LGSN: variants seen among roughly 807,000 people sequenced by gnomAD.
LGSN encodes the protein lengsin.
LGSN carries 21 observed loss-of-function variants against 19.5 expected under a neutral mutation model. The ratio of observed to expected loss-of-function variants is 1.07; its 90% confidence interval spans 0.76 to 1.55. The LOEUF (loss-of-function observed/expected upper bound fraction) is 1.55. Ranked by LOEUF, LGSN falls within the 40% of genes most tolerant of loss-of-function variation. The pLI is 0.00. For missense variants in LGSN, 673 were observed against 608.5 expected (o/e 1.11, Z -1.12); for synonymous variants, 257 against 215.6 (o/e 1.19, Z -1.68).
chr6:63,424,993 T>C, the LGSN span, among the ~76,000 whole-genome samples: 2 of 152,034 alleles, frequency 1.3e-5, no homozygotes, highest in Admixed American at 1.3e-4. Context: ...CATAAGACAT[T>C]CTACTGATGG....
chr6:63,300,698 G>GA lies in LGSN; in HGVS notation c.31-5654dup, dbSNP rs571658205. ...AAAATAAAAAATAAGAATAAATTCAGAAATAAATACTCATTAAATATCTGA... is the reference window on the plus strand; with the variant it reads ...AAAATAAAAAATAAGAATAAATTCAGAAAATAAATACTCATTAAATATCTGA... On this transcript the variant is annotated intron_variant, in intron 1 of 3. Transcript: ENST00000370657. Among the ~76,000 whole-genome samples, 336 of 151,990 alleles carry GA rather than the reference G, an allele frequency of 2.2e-3. 2 individuals are homozygous for GA. Among genetic ancestry groups the GA allele is most frequent in the African/African-American group, 7.7e-3 (318 of 41,466 alleles).
intron 2 of LGSN, among the ~76,000 whole-genome samples, chr6:63,287,906 A>G (rs1208088711): frequency 6.6e-6 from 1 of 152,098 alleles, no homozygotes; most frequent in East Asian, 1.9e-4. Context: ...CAATGAATAC[A>G]TATTATTTTA....
chr6:63,572,891 C>T, the LGSN span, among the ~76,000 whole-genome samples: 1 of 152,064 alleles, frequency 6.6e-6, no homozygotes, highest in Admixed American at 6.5e-5. Context: ...CGGCCGATTG[C>T]GGCCGGCTGT....
At chr6:63,477,655 C>CTTTTTTTTTTT in the LGSN span, among the ~76,000 whole-genome samples, 1 of 52,882 alleles carries the variant, frequency 1.9e-5, no homozygotes, top group Non-Finnish European at 4.6e-5. Context: ...TTTTTTTTTT[C>CTTTTTTTTTTT]TTTTTCTTTT....
the LGSN span, among the ~76,000 whole-genome samples, chr6:63,394,088 C>G: frequency 2.0e-5 from 3 of 152,116 alleles, no homozygotes; most frequent in East Asian, 5.8e-4. Flanking sequence ...GCCAACATGG[C>G]GAAACCTGTC....
Position 63,277,064 on chromosome 6 carries a change from T to C in LGSN, c.*2957A>G, listed in dbSNP as rs547689657. On this transcript the variant is annotated 3_prime_UTR_variant, in exon 4 of 4. Coordinates refer to ENST00000370657, the MANE Select transcript of LGSN (RefSeq NM_016571.3). ...ATTTGTAATCTATGGCTGAATATTT[T>C]CTTTGACTCACGACTGTACACTTAA... 2.6e-5 allele frequency: 4 copies of C among 152,346 alleles called. No homozygotes were observed. The highest frequency in any genetic ancestry group is 5.9e-5 in the Non-Finnish European group (4 of 68,042). The allele number at this position is 152,346 out of a possible 1,614,324, so 9.4% of individuals were successfully genotyped here. A position where few individuals can be genotyped will look rare whatever the true frequency, so the allele number is the denominator to read the frequency against.
chr6:63,346,470 C>A, the LGSN span, among the ~76,000 whole-genome samples: 8 of 151,904 alleles, frequency 5.3e-5, no homozygotes, highest in Non-Finnish European at 7.4e-5. Flanking sequence ...ACTCTGTACC[C>A]CTTCCCCCAT....
the LGSN span, among the ~76,000 whole-genome samples, chr6:63,329,045 C>A: frequency 3.9e-5 from 6 of 152,190 alleles, no homozygotes; most frequent in Admixed American, 2.6e-4. Flanking sequence ...GGCCTTCGAC[C>A]TAGACAACTT....
At chr6:63,330,466 G>C in the LGSN span, among the ~76,000 whole-genome samples, 3 of 152,138 alleles carry the variant, frequency 2.0e-5, no homozygotes, top group Non-Finnish European at 4.4e-5. Context: ...CCTGATATCT[G>C]CGGCTGATTA....
the LGSN span, among the ~76,000 whole-genome samples, chr6:63,358,427 T>C: frequency 1.3e-5 from 2 of 152,224 alleles, no homozygotes; most frequent in East Asian, 1.9e-4. Flanking sequence ...TTGGGCAGTA[T>C]GGCCATTTTC....
At chr6:63,413,441 A>G in the LGSN span, among the ~76,000 whole-genome samples, 4 of 152,188 alleles carry the variant, frequency 2.6e-5, no homozygotes, top group Non-Finnish European at 4.4e-5. Context: ...TTCTCCTAAT[A>G]TCTAATTTTT....
the LGSN span, among the ~76,000 whole-genome samples, chr6:63,489,988 G>A: frequency 6.6e-6 from 1 of 152,180 alleles, no homozygotes; most frequent in East Asian, 1.9e-4. Flanking sequence ...GATTACAGAT[G>A]TGAGCTACTG....
At chr6:63,474,495 G>A in the LGSN span, among the ~76,000 whole-genome samples, 4 of 151,834 alleles carry the variant, frequency 2.6e-5, no homozygotes, top group Non-Finnish European at 4.4e-5. Flanking sequence ...TGTAGTCCCA[G>A]CTACTCAGGA....
chr6:63,334,709 A>G, the LGSN span, among the ~76,000 whole-genome samples: 1 of 152,244 alleles, frequency 6.6e-6, no homozygotes, highest in Non-Finnish European at 1.5e-5. Context: ...ACTTCAAAAT[A>G]TATTACAAGT....
At chr6:63,552,749 A>G in the LGSN span, among the ~76,000 whole-genome samples, 4 of 152,336 alleles carry the variant, frequency 2.6e-5, no homozygotes, top group East Asian at 5.8e-4. Flanking sequence ...AGCTTTCTAC[A>G]TATGGCTAGC....
chr6:63,371,131 G>T, the LGSN span, among the ~76,000 whole-genome samples: 2 of 152,220 alleles, frequency 1.3e-5, no homozygotes, highest in Non-Finnish European at 2.9e-5. Context: ...AGCAAAGCAA[G>T]TTATAAAACT....
the LGSN span, among the ~76,000 whole-genome samples, chr6:63,355,267 A>G: frequency 6.6e-6 from 1 of 152,182 alleles, no homozygotes; most frequent in Non-Finnish European, 1.5e-5. Flanking sequence ...AAAAAAAATG[A>G]AAAATAAAAT....
At chr6:63,303,027 C>G (rs1768248792) in intron 1 of LGSN, among the ~76,000 whole-genome samples, 1 of 152,160 alleles carries the variant, frequency 6.6e-6, no homozygotes, top group African/African-American at 2.4e-5. Flanking sequence ...ACTCGGGAAG[C>G]TGAGGCAGGA....
chr6:63,510,660 A>ACTTTTTTTTTT, the LGSN span, among the ~76,000 whole-genome samples: 1 of 111,978 alleles, frequency 8.9e-6, no homozygotes, highest in Admixed American at 1.1e-4. Flanking sequence ...CAAGAAGCGA[A>ACTTTTTTTTTT]TTTTTTTTTT....
Sources: gnomAD v4.1 joint callset for allele counts (sites outside exome capture counted in the v4.1 genomes callset) on GRCh38, gnomAD v4.1.1 for gene constraint, MANE v1.5 for transcripts, NCBI Gene and HGNC (gene_info 2026-07-23, HGNC 2026-07-21) for gene names.